PTPN4: variants seen among roughly 807,000 people sequenced by gnomAD.
The protein encoded by PTPN4 is protein tyrosine phosphatase non-receptor type 4, also known as tyrosine-protein phosphatase non-receptor type 4.
A neutral mutation model predicts 135.5 loss-of-function variants in PTPN4; 49 were observed. The observed-to-expected ratio is 0.36, with a 90% CI of 0.29 to 0.46. The LOEUF (loss-of-function observed/expected upper bound fraction) is 0.46, where lower values mean the gene tolerates loss of function less well. Among genes scored for constraint, PTPN4 ranks in the 20% least tolerant of loss-of-function variants. The pLI is 1.00. For synonymous variants in PTPN4, 333 were observed against 369.9 expected, an observed-to-expected ratio of 0.90 and a Z score of 1.14; for missense variants, 860 against 1,101.0, an observed-to-expected ratio of 0.78 and a Z score of 3.10.
At chr2:119,854,247 C>T (rs142790477) in intron 2 of PTPN4, among the ~76,000 whole-genome samples, 38 of 152,186 alleles carry the variant, frequency 2.5e-4, no homozygotes, top group African/African-American at 6.7e-4. Context: ...GAGGAGGAGA[C>T]GGAGGAATTA....
chr2:119,810,052 A>G (rs562192671), intron 2 of PTPN4, 61 bp downstream of exon 2: 3 of 1,497,264 alleles, frequency 2.0e-6, no homozygotes, highest in East Asian at 2.3e-5. Context: ...TTAGACATAT[A>G]TGTAAACTAG....
intron 1 of PTPN4, among the ~76,000 whole-genome samples, chr2:119,797,875 C>T (rs982985746): frequency 3.9e-5 from 6 of 152,008 alleles, no homozygotes; most frequent in South Asian, 2.1e-4. Flanking sequence ...TTTGCCTAAG[C>T]GCTTCTTCTT....
Position 119,810,095 on chromosome 2 carries a change from T to C in PTPN4, c.138+104T>C, listed in dbSNP as rs140730417. ...AAATTATAGTACAGTTTGAAAAGTC[T>C]TATTCAAGTAAAAAAGTCTTTTTGG... On this transcript the variant is annotated intron_variant, in intron 2 of 26. Transcript: ENST00000263708. 9.6e-4 allele frequency: 1,264 copies of C among 1,317,876 alleles called. 5 individuals carry two copies. The African/African-American group carries it at 0.016, about 17-fold the overall frequency. 81.6% of individuals were successfully genotyped at this position (1,317,876 alleles called of 1,614,324 possible). A position where few individuals can be genotyped will look rare whatever the true frequency, so the allele number is the denominator to read the frequency against.
At chr2:119,805,307 A>G (rs1390637378) in intron 1 of PTPN4, among the ~76,000 whole-genome samples, 4 of 151,706 alleles carry the variant, frequency 2.6e-5, no homozygotes, top group Non-Finnish European at 4.4e-5. Context: ...TCATTTGTCT[A>G]TTTTGTTTTG....
intron 9 of PTPN4, among the ~76,000 whole-genome samples, chr2:119,891,544 C>T (rs1402182651): frequency 6.6e-6 from 1 of 152,066 alleles, no homozygotes; most frequent in Non-Finnish European, 1.5e-5. Context: ...AGGCTGGTCT[C>T]GAACTCCTGA....
intron 2 of PTPN4, among the ~76,000 whole-genome samples, chr2:119,829,893 C>G (rs1217572887): frequency 6.6e-6 from 1 of 152,134 alleles, no homozygotes; most frequent in Non-Finnish European, 1.5e-5. Flanking sequence ...AACTGCCAAG[C>G]TGTTTTACAT....
At chr2:119,831,063 G>A (rs1487727545) in intron 2 of PTPN4, among the ~76,000 whole-genome samples, 1 of 152,186 alleles carries the variant, frequency 6.6e-6, no homozygotes, top group Non-Finnish European at 1.5e-5. Flanking sequence ...GATGGGGGGT[G>A]GCAGTAGGGC....
At chr2:119,876,423 G>A (rs985571569) in intron 3 of PTPN4, among the ~76,000 whole-genome samples, 3 of 152,136 alleles carry the variant, frequency 2.0e-5, no homozygotes, top group African/African-American at 7.2e-5. Context: ...TGTGTTGGAT[G>A]TTATGGACAG....
At chr2:119,924,478 A>T (rs1678787236) in intron 12 of PTPN4, among the ~76,000 whole-genome samples, 1 of 151,890 alleles carries the variant, frequency 6.6e-6, no homozygotes, top group South Asian at 2.1e-4. Context: ...GGTAAAAACA[A>T]TTTTTTTGTT....
chr2:119,852,034 A>G (rs1367595628), intron 2 of PTPN4, among the ~76,000 whole-genome samples: 5 of 152,216 alleles, frequency 3.3e-5, no homozygotes, highest in Non-Finnish European at 7.3e-5. Context: ...TGTCTGTTTC[A>G]TCCAAGTTCT....
chr2:119,879,324 C>T (rs971933492), intron 5 of PTPN4, among the ~76,000 whole-genome samples: 1 of 152,032 alleles, frequency 6.6e-6, no homozygotes, highest in Admixed American at 6.6e-5. Flanking sequence ...GAAATAACTG[C>T]CTGAAGCAGA....
intron 2 of PTPN4, among the ~76,000 whole-genome samples, chr2:119,844,263 G>T (rs1167012413): frequency 1.5e-5 from 2 of 135,550 alleles, no homozygotes; most frequent in African/African-American, 5.5e-5. Flanking sequence ...AGACGGGGCG[G>T]CTGGCCGGGC....
intron 1 of PTPN4, among the ~76,000 whole-genome samples, chr2:119,769,746 G>A (rs1230637689): frequency 6.6e-6 from 1 of 152,152 alleles, no homozygotes; most frequent in African/African-American, 2.4e-5. Context: ...AACTGTAATG[G>A]TTATTTTAAA....
chr2:119,760,470 T>TGAGCCAGGTGGGGC, intron 1 of PTPN4, 86 bp downstream of exon 1: 1 of 388,668 alleles, frequency 2.6e-6, no homozygotes, highest in Non-Finnish European at 4.5e-6. Flanking sequence ...TCCTGGGAGG[T>TGAGCCAGGTGGGGC]GAGCCAGGTG....
intron 2 of PTPN4, among the ~76,000 whole-genome samples, chr2:119,836,776 G>A (rs1677300647): frequency 6.6e-6 from 1 of 152,256 alleles, no homozygotes; most frequent in South Asian, 2.1e-4. Flanking sequence ...TTGAGGCCAA[G>A]CCCAGGTGCT....
At chr2:119,821,237 C>T (rs1677064711) in intron 2 of PTPN4, among the ~76,000 whole-genome samples, 1 of 151,772 alleles carries the variant, frequency 6.6e-6, no homozygotes, top group South Asian at 2.1e-4. Context: ...GGACTACAGG[C>T]GCCTGCCACC....
intron 26 of PTPN4, among the ~76,000 whole-genome samples, chr2:119,968,808 C>G (rs370364884): frequency 6.6e-6 from 1 of 151,992 alleles, no homozygotes; most frequent in Non-Finnish European, 1.5e-5. Flanking sequence ...AAAGAACTTA[C>G]GTTGCAACAA....
intron 9 of PTPN4, among the ~76,000 whole-genome samples, chr2:119,893,469 A>G (rs1321782463): frequency 5.3e-5 from 8 of 152,236 alleles, no homozygotes; most frequent in Admixed American, 4.6e-4. Flanking sequence ...AGGGGTAGGC[A>G]ATTCAATTTA....
intron 20 of PTPN4, 146 bp downstream of exon 20, chr2:119,955,469 C>A (rs1255969100): frequency 4.2e-6 from 3 of 716,606 alleles, no homozygotes; most frequent in Non-Finnish European, 5.8e-6. Context: ...TTCTAAAATG[C>A]CAAGTTTTAA....
Sources: allele counts gnomAD v4.1 joint callset (sites outside exome capture counted in the v4.1 genomes callset), GRCh38; gene constraint gnomAD v4.1.1; transcripts MANE v1.5; gene names NCBI Gene and HGNC (gene_info 2026-07-23, HGNC 2026-07-21).